The following BANP variants were observed in gnomAD, a reference collection of about 807,000 sequenced individuals.
BANP encodes the protein protein BANP.
In BANP, 11 loss-of-function variants were observed where a neutral mutation model predicts 68.1. That is an observed-to-expected ratio of 0.16 (90% CI 0.10 to 0.27). The LOEUF (loss-of-function observed/expected upper bound fraction) is 0.27. BANP is among the 10% of genes least tolerant of loss of function. The pLI is 1.00. For synonymous variants in BANP, 329 were observed against 303.2 expected, an observed-to-expected ratio of 1.09 and a Z score of -0.88; for missense variants, 504 against 722.7, an observed-to-expected ratio of 0.70 and a Z score of 3.47.
At chr16:88,039,586 G>A (rs1424844010) in intron 11 of BANP, among the ~76,000 whole-genome samples, 1 of 142,276 alleles carries the variant, frequency 7.0e-6, no homozygotes, top group African/African-American at 2.4e-5. Flanking sequence ...GAATTTTAAA[G>A]ACAGAACCAG....
Position 88,033,077 on chromosome 16 carries a change from G to C in BANP, c.1064-32G>C, listed in dbSNP as rs553158405. 4 of 1,559,062 alleles carry C rather than the reference G, an allele frequency of 2.6e-6. No homozygotes were observed. In the African/African-American group the frequency reaches 4.1e-5, roughly 16 times the overall value. On this transcript the variant is annotated intron_variant, in intron 8 of 13. Transcript: ENST00000682872. The stretch of plus-strand genomic sequence containing the variant: ...CCAGGCAATGCCTAAGAAACTTCTC[G>C]TTCACCCCGTTCACACCTGTTGCCC...
At chr16:88,047,132 G>A (rs1008535849) in intron 11 of BANP, among the ~76,000 whole-genome samples, 5 of 152,138 alleles carry the variant, frequency 3.3e-5, no homozygotes, top group South Asian at 2.1e-4. Flanking sequence ...CCATGAACTC[G>A]TGCGGTCCTG....
At chr16:88,046,379 A>G (rs1010388205) in intron 11 of BANP, among the ~76,000 whole-genome samples, 2 of 152,240 alleles carry the variant, frequency 1.3e-5, no homozygotes, top group Admixed American at 1.3e-4. Context: ...GCTGTAAAGC[A>G]ATCTGACTAC....
At chr16:87,986,208 C>T (rs993405380) in intron 4 of BANP, among the ~76,000 whole-genome samples, 6 of 152,336 alleles carry the variant, frequency 3.9e-5, no homozygotes, top group Non-Finnish European at 5.9e-5. Flanking sequence ...CAAGGATGAA[C>T]GAACCTCTCC....
Position 88,004,454 on chromosome 16 carries a change from C to T in BANP, c.479+43C>T, listed in dbSNP as rs1044807731. 6.3e-6 allele frequency: 7 copies of T among 1,118,352 alleles called. No homozygotes were observed. The highest frequency in any genetic ancestry group is 1.5e-5 in the South Asian group (1 of 67,092). 69.3% of individuals were successfully genotyped at this position (1,118,352 alleles called of 1,614,324 possible). A position where few individuals can be genotyped will look rare whatever the true frequency, so the allele number is the denominator to read the frequency against. On this transcript the variant is annotated intron_variant, in intron 5 of 13. Transcript: ENST00000682872. This position sits in a 1 kb window ranked among gnomAD's most constrained non-coding sequence, Gnocchi z 7.0. ...AACCCCACCTTTCCCTGCCACTGTG[C>T]GGAGTCCCATGAGAATAAGTCAACG...
intron 11 of BANP, among the ~76,000 whole-genome samples, chr16:88,038,758 G>T (rs530131556): frequency 4.4e-4 from 67 of 152,276 alleles, no homozygotes; most frequent in Non-Finnish European, 1.8e-4. Flanking sequence ...TTTTGAGGCT[G>T]TGTGTTCCTA....
In BANP at chr16:87,961,412, C is replaced by CCG. The variant is rs1555533473; in HGVS notation, c.-69+9898_-69+9899insGC. Among the ~76,000 whole-genome samples the CCG allele has an allele frequency of 1.8e-4, 26 of 142,948 alleles. 1 individual carries two copies. The highest frequency in any genetic ancestry group is 6.3e-4 in the African/African-American group (25 of 39,426). The allele number at this position is 142,948 out of a possible 152,430, so 93.8% of individuals were successfully genotyped here. On this transcript the variant is annotated intron_variant, in intron 1 of 13. Transcript: ENST00000682872. ...CTCCTGGACTCACAGAATCTGCACCCCCCCGGGCCTCCCAAAGTGCTGGGA... is the reference window on the plus strand; with the variant it reads ...CTCCTGGACTCACAGAATCTGCACCCCGCCCCGGGCCTCCCAAAGTGCTGGGA...
chr16:87,973,767 A>AAAAAAGAAAG (rs1237957783), intron 1 of BANP, among the ~76,000 whole-genome samples: 7 of 148,158 alleles, frequency 4.7e-5, no homozygotes, highest in Non-Finnish European at 1.0e-4. Flanking sequence ...AAAAAAAAAA[A>AAAAAAGAAAG]AAAAAAAGAA....
In BANP at chr16:88,073,555, G is replaced by T. The variant is rs1487892518; in HGVS notation, c.1521+1343G>T. ...GCAGAACGCACAGGCAGTGAGGAGC[G>T]GGTGGGTGGGATGGTGAAGGCAAAC... is the stretch of plus-strand genomic sequence containing the variant. On this transcript the variant is annotated intron_variant, in intron 13 of 13. Transcript: ENST00000682872. 9.9e-5 allele frequency among the ~76,000 whole-genome samples: 15 copies of T among 152,184 alleles called. No homozygotes were observed. In the East Asian group the frequency reaches 2.9e-3, roughly 29 times the overall value.
chr16:87,980,093 A>G (rs571020654), intron 2 of BANP, among the ~76,000 whole-genome samples: 15 of 152,338 alleles, frequency 9.8e-5, no homozygotes, highest in Admixed American at 5.9e-4. Flanking sequence ...GTGAGCATGT[A>G]GAGTAGAGCA....
rs1416555410 is a variant in BANP, at chr16:87,957,889, A to G, written c.-69+6374A>G. On this transcript the variant is annotated intron_variant, in intron 1 of 13. Coordinates refer to ENST00000682872, the MANE Select transcript of BANP (RefSeq NM_001386991.1). The surrounding 1 kb of genome is among the most constrained non-coding windows in gnomAD (Gnocchi z 4.3). Reference sequence around the variant, plus strand: ...CAGGATGCGGACAACCCCTGCCGCTACGTGTCCTCAAGTGAGCTCAGCTCT... The same window carrying G: ...CAGGATGCGGACAACCCCTGCCGCTGCGTGTCCTCAAGTGAGCTCAGCTCT... Among the ~76,000 whole-genome samples, 1 of 151,580 alleles carries G rather than the reference A, an allele frequency of 6.6e-6. No individual in the cohort carries two copies. The highest frequency in any genetic ancestry group is 1.5e-5 in the Non-Finnish European group (1 of 67,914).
intron 1 of BANP, among the ~76,000 whole-genome samples, chr16:87,953,431 A>G (rs767677245): frequency 6.6e-6 from 1 of 151,708 alleles, no homozygotes; most frequent in Non-Finnish European, 1.5e-5. Flanking sequence ...CCGTACTCGA[A>G]CTCCTGAGCT....
rs567895358 is a variant in BANP at position 87,999,616 on chromosome 16, G to A, written c.363-4679G>A. Among the ~76,000 whole-genome samples the A allele has an allele frequency of 3.2e-4, 19 of 58,622 alleles. 1 individual carries two copies. The East Asian group carries it at 4.5e-3, about 14-fold the overall frequency. The allele number at this position is 58,622 out of a possible 152,430, so 38.5% of individuals were successfully genotyped here. A position where few individuals can be genotyped will look rare whatever the true frequency, so the allele number is the denominator to read the frequency against. On this transcript the variant is annotated intron_variant, in intron 4 of 13. Transcript: ENST00000682872. ...GACGCGTCTCCATACACGCACGTGCGCGGCTGTACTTACCTGTCCTTCCAG... is the reference window on the plus strand; with the variant it reads ...GACGCGTCTCCATACACGCACGTGCACGGCTGTACTTACCTGTCCTTCCAG...
intron 1 of BANP, among the ~76,000 whole-genome samples, chr16:87,974,571 A>G (rs11117331): frequency 0.59 from 89,898 of 151,964 alleles, 27,055 homozygotes; most frequent in Admixed American, 0.66. Flanking sequence ...AGCTGGGAGA[A>G]ACTTGGGAGG....
At chr16:88,027,942 C>T (rs1598605290) in intron 8 of BANP, among the ~76,000 whole-genome samples, 1 of 152,262 alleles carries the variant, frequency 6.6e-6, no homozygotes, top group African/African-American at 2.4e-5. Context: ...GAGGCCTTTG[C>T]GTGGGGCTGC....
chr16:88,029,610 C>CAAA (rs60313647), intron 8 of BANP, among the ~76,000 whole-genome samples: 3 of 118,994 alleles, frequency 2.5e-5, no homozygotes, highest in African/African-American at 4.0e-5. Flanking sequence ...GACTCCGTCT[C>CAAA]AAAAAAAAAA....
intron 5 of BANP, 52 bp from the exon 6 acceptor site, chr16:88,006,038 G>A: frequency 1.9e-6 from 3 of 1,611,594 alleles, no homozygotes; most frequent in Middle Eastern, 2.0e-4. Flanking sequence ...ACCTTCGCGT[G>A]CTGCTTGCGG....
At chr16:88,006,350 A>G in intron 6 of BANP, 85 bp downstream of exon 6, 1 of 1,484,742 alleles carries the variant, frequency 6.7e-7, no homozygotes, top group Non-Finnish European at 9.0e-7. Context: ...TTGTTTTTTA[A>G]AGAAGTGATA....
intron 10 of BANP, chr16:88,037,409 A>G (rs2079627604): frequency 1.9e-5 from 3 of 154,608 alleles, no homozygotes; most frequent in African/African-American, 7.2e-5. Flanking sequence ...GTGTTCATTT[A>G]AAATTATTTT....
Sources: gnomAD v4.1 joint callset for allele counts (sites outside exome capture counted in the v4.1 genomes callset) on GRCh38, gnomAD v4.1.1 for gene constraint, Gnocchi (gnomAD v3.1) non-coding constraint, MANE v1.5 for transcripts, NCBI Gene and HGNC (gene_info 2026-07-23, HGNC 2026-07-21) for gene names.